Variants in GAS7 observed in about 807,000 individuals in gnomAD.
GAS7 encodes growth arrest specific 7, also known as growth arrest-specific protein 7.
GAS7 carries 28 observed loss-of-function variants against 71.1 expected under a neutral mutation model. The ratio of observed to expected loss-of-function variants is 0.39; its 90% CI spans 0.29 to 0.54. The LOEUF (loss-of-function observed/expected upper bound fraction) is 0.54, where lower values mean the gene tolerates loss of function less well. GAS7 is among the 20% of genes least tolerant of loss of function. The pLI is 0.62. For synonymous variants in GAS7, 258 were observed against 245.8 expected, an observed-to-expected ratio of 1.05 and a Z score of -0.46; for missense variants, 436 against 627.8, an observed-to-expected ratio of 0.69 and a Z score of 3.27.
In GAS7 at chr17:9,916,832, A is replaced by G; in HGVS notation, c.*396T>C. On this transcript the variant is annotated 3_prime_UTR_variant, in exon 14 of 14. Coordinates refer to ENST00000432992, the MANE Select transcript of GAS7 (RefSeq NM_201433.2). Reference sequence around the variant, plus strand: ...CTGGCTTAGAGACAGAGCCCTCCCTACCCTGATCCTCCAAAGCCCTGGAGA... The same window carrying G: ...CTGGCTTAGAGACAGAGCCCTCCCTGCCCTGATCCTCCAAAGCCCTGGAGA... The G allele has an allele frequency of 2.3e-6, 1 of 430,114 alleles. No homozygotes were observed. The highest frequency in any genetic ancestry group is 4.1e-6 in the Non-Finnish European group (1 of 243,882). 26.6% of individuals were successfully genotyped at this position (430,114 alleles called of 1,614,324 possible).
chr17:10,168,901 C>A (rs2074314548), intron 1 of GAS7, among the ~76,000 whole-genome samples: 3 of 146,366 alleles, frequency 2.0e-5, no homozygotes, highest in Non-Finnish European at 3.0e-5. Context: ...ACATGGGAGG[C>A]AGAGCTTGCA....
chr17:9,991,331 A>G (rs965758008), intron 2 of GAS7, among the ~76,000 whole-genome samples: 1 of 152,108 alleles, frequency 6.6e-6, no homozygotes, highest in Non-Finnish European at 1.5e-5. Flanking sequence ...AAACATCACT[A>G]TGAGTGGTCC....
At chr17:10,184,121 C>T (rs1446447411) in intron 1 of GAS7, among the ~76,000 whole-genome samples, 3 of 152,194 alleles carry the variant, frequency 2.0e-5, no homozygotes, top group Admixed American at 2.0e-4. Context: ...ACCATGTCCC[C>T]GTTGCATATG....
At chr17:10,088,027 C>T (rs200979114) in intron 1 of GAS7, among the ~76,000 whole-genome samples, 1 of 151,886 alleles carries the variant, frequency 6.6e-6, no homozygotes, top group Non-Finnish European at 1.5e-5. Flanking sequence ...ATGGATGCAG[C>T]CTGGCCAACA....
intron 1 of GAS7, among the ~76,000 whole-genome samples, chr17:10,113,735 C>T (rs934855662): frequency 3.9e-5 from 6 of 152,134 alleles, no homozygotes; most frequent in Non-Finnish European, 8.8e-5. Flanking sequence ...AGAAACTGAT[C>T]ACTTGTTTGC....
chr17:10,045,375 A>G (rs1156657413), intron 1 of GAS7, among the ~76,000 whole-genome samples: 1 of 152,090 alleles, frequency 6.6e-6, no homozygotes, highest in African/African-American at 2.4e-5. Flanking sequence ...ACCCTTATAA[A>G]ATTTCTATGT....
intron 1 of GAS7, among the ~76,000 whole-genome samples, chr17:10,125,803 G>A (rs1364825839): frequency 2.6e-5 from 4 of 152,110 alleles, no homozygotes; most frequent in South Asian, 2.1e-4. Flanking sequence ...GAAAACATCC[G>A]GAAAATATTT....
At chr17:10,119,960 C>A (rs920531539) in intron 1 of GAS7, among the ~76,000 whole-genome samples, 2 of 152,174 alleles carry the variant, frequency 1.3e-5, no homozygotes, top group Non-Finnish European at 2.9e-5. Flanking sequence ...GGAGGCCAAA[C>A]CTGTTTGGCA....
intron 2 of GAS7, among the ~76,000 whole-genome samples, chr17:10,015,316 GACTAGA>G: frequency 6.6e-6 from 1 of 152,346 alleles, no homozygotes; most frequent in South Asian, 2.1e-4. Context: ...AAGGGAGAAA[GACTAGA>G]AGCGTCTGGA....
At position 10,049,707 on chromosome 17, in the gene GAS7, G is replaced by A. The variant is rs539649842; in HGVS notation, c.184-29810C>T. On this transcript the variant is annotated intron_variant, in intron 1 of 13. Transcript: ENST00000432992. ...GCGATCTTGGCTCACTGCAAGCTCC[G>A]CCTCCTGGGTTCACGCCATTCTCCA... Among the ~76,000 whole-genome samples the A allele has an allele frequency of 2.0e-4, 26 of 127,066 alleles. No homozygotes were observed. The East Asian group carries it at 5.5e-3, about 27-fold the overall frequency. The allele number at this position is 127,066 out of a possible 152,430, so 83.4% of individuals were successfully genotyped here.
intron 1 of GAS7, among the ~76,000 whole-genome samples, chr17:10,041,362 T>A (rs1386617734): frequency 6.6e-6 from 1 of 152,110 alleles, no homozygotes; most frequent in Non-Finnish European, 1.5e-5. Context: ...CCGACACCAC[T>A]TTGACATTGC....
rs879324995 is a variant in GAS7 at position 10,115,034 on chromosome 17, T to TCTGG, written c.183+83170_183+83173dup. Among the ~76,000 whole-genome samples the TCTGG allele has an allele frequency of 4.6e-5, 7 of 152,128 alleles. No homozygotes were observed. In the South Asian group the frequency reaches 8.4e-4, roughly 18 times the overall value. On this transcript the variant is annotated intron_variant, in intron 1 of 13. Transcript: ENST00000432992. The stretch of plus-strand genomic sequence containing the variant: ...AAGCTGTCCTCTGTCTGTCTGTCTG[T>TCTGG]CTGGCTGGCTGGCTGGCTGCCTCTC...
intron 13 of GAS7, 85 bp downstream of exon 13, chr17:9,917,916 G>A (rs761258142): frequency 3.1e-5 from 29 of 927,360 alleles, no homozygotes; most frequent in Middle Eastern, 3.3e-4. Flanking sequence ...ACTTGCAGCA[G>A]CCACTTAACC....
At chr17:9,975,276 A>C (rs1001231912) in intron 3 of GAS7, among the ~76,000 whole-genome samples, 3 of 151,976 alleles carry the variant, frequency 2.0e-5, no homozygotes, top group African/African-American at 7.3e-5. Flanking sequence ...AATTGCTTGA[A>C]CCCGGGAGGT....
intron 1 of GAS7, among the ~76,000 whole-genome samples, chr17:10,089,644 C>A (rs998975373): frequency 6.6e-5 from 10 of 152,120 alleles, no homozygotes; most frequent in Admixed American, 5.9e-4. Flanking sequence ...TTCCTACAAC[C>A]TAGTTGTCAG....
intron 1 of GAS7, among the ~76,000 whole-genome samples, chr17:10,182,566 A>G (rs2074424519): frequency 6.6e-6 from 1 of 152,162 alleles, no homozygotes. Context: ...CTCAGCCCCA[A>G]TTTTGGGGTT....
intron 1 of GAS7, among the ~76,000 whole-genome samples, chr17:10,184,225 CT>C (rs1397236470): frequency 6.6e-6 from 1 of 152,204 alleles, no homozygotes; most frequent in African/African-American, 2.4e-5. Context: ...GCCCCCCAGC[CT>C]TTCCAGCGGC....
In GAS7 at chr17:9,919,638, C is replaced by T. The variant is rs746454041; in HGVS notation, c.1206G>A (p.Val402=). ...CCTGCCCGCTTACCAATGTGGTGGT[C>T]ACCATCTCTTCAAACCATTTGGACT... ...QAQSKWFEEM[V]TTTLELERLE... Residue 402 remains valine, a synonymous_variant, in exon 12 of 14, where the codon GTG becomes GTA. Transcript: ENST00000432992. This position sits in a 1 kb window ranked among gnomAD's most constrained non-coding sequence, Gnocchi z 5.0. 1.2e-5 allele frequency: 19 copies of T among 1,611,856 alleles called. No homozygotes were observed. In the East Asian group the frequency reaches 4.2e-4, roughly 36 times the overall value.
At chr17:9,960,166 C>A (rs568020195) in intron 4 of GAS7, among the ~76,000 whole-genome samples, 3 of 152,046 alleles carry the variant, frequency 2.0e-5, no homozygotes, top group Admixed American at 2.0e-4. Flanking sequence ...CACACTTGTG[C>A]CCCAGGACTT....
Sources: gnomAD v4.1 joint callset for allele counts (sites outside exome capture counted in the v4.1 genomes callset) on GRCh38, gnomAD v4.1.1 for gene constraint, Gnocchi (gnomAD v3.1) non-coding constraint, MANE v1.5 for transcripts, NCBI Gene and HGNC (gene_info 2026-07-23, HGNC 2026-07-21) for gene names.